Variants in RELCH observed in about 807,000 individuals in gnomAD.
The protein encoded by RELCH is RAB11 binding and LisH domain, coiled-coil and HEAT repeat containing, also known as RAB11-binding protein RELCH.
Under a neutral mutation model 150.3 loss-of-function variants are expected in RELCH, and 41 were observed. The observed-to-expected ratio is 0.27, with a 90% CI of 0.21 to 0.35. The LOEUF (loss-of-function observed/expected upper bound fraction) is 0.35, where lower values mean the gene tolerates loss of function less well. RELCH is among the 10% of genes least tolerant of loss of function. RELCH has a pLI of 1.00. For synonymous variants in RELCH, 478 were observed against 531.8 expected, an observed-to-expected ratio of 0.90 and a Z score of 1.39; for missense variants, 1,092 against 1,467.8, an observed-to-expected ratio of 0.74 and a Z score of 4.18.
intron 2 of RELCH, among the ~76,000 whole-genome samples, chr18:62,217,037 T>C (rs2040518034): frequency 1.3e-5 from 2 of 152,012 alleles, no homozygotes; most frequent in African/African-American, 2.4e-5. Flanking sequence ...TTCTTGTTAT[T>C]CGTCACCATG....
At chr18:62,298,389 T>C (rs531617276) in intron 27 of RELCH, among the ~76,000 whole-genome samples, 1 of 152,306 alleles carries the variant, frequency 6.6e-6, no homozygotes, top group Non-Finnish European at 1.5e-5. Flanking sequence ...GATCTTGCTT[T>C]TTGCAACCTG....
rs368215665 is a variant in RELCH at position 62,280,673 on chromosome 18, C to G, written c.3078C>G (p.Ala1026=). 6.3e-5 allele frequency: 102 copies of G among 1,611,398 alleles called. 1 individual carries two copies. The highest frequency in any genetic ancestry group is 3.6e-4 in the South Asian group (33 of 91,008). The change falls in exon 24 of 29, where the codon GCC becomes GCG. Residue 1026 remains alanine (A), a synonymous_variant. Coordinates refer to ENST00000644646, the MANE Select transcript of RELCH (RefSeq NM_001346231.2). The part of the protein sequence containing the change: ...EISVRIATIP[A]FGTIMETVIQ... ...CTGTCAGGATTGCCACAATTCCAGC[C>G]TTTGGCACTATTATGGAAACAGTAA...
At chr18:62,249,801 A>G (rs2042605749) in intron 11 of RELCH, among the ~76,000 whole-genome samples, 1 of 151,952 alleles carries the variant, frequency 6.6e-6, no homozygotes, top group Non-Finnish European at 1.5e-5. Context: ...ACAAATATAA[A>G]TTTACTAAAA....
chr18:62,225,593 C>T (rs2041163152), intron 5 of RELCH, among the ~76,000 whole-genome samples: 1 of 151,954 alleles, frequency 6.6e-6, no homozygotes, highest in Admixed American at 6.6e-5. Flanking sequence ...AGATTCTCAA[C>T]ATTTGTATTC....
chr18:62,297,652 C>T (rs1203492780), intron 27 of RELCH, among the ~76,000 whole-genome samples: 1 of 152,178 alleles, frequency 6.6e-6, no homozygotes. Flanking sequence ...AGAATAATCC[C>T]CAAAGTCCTT....
intron 10 of RELCH, among the ~76,000 whole-genome samples, chr18:62,233,347 C>G (rs771194010): frequency 6.6e-6 from 1 of 151,812 alleles, no homozygotes; most frequent in Non-Finnish European, 1.5e-5. Context: ...ACCACTGATT[C>G]AATCATAATT....
At chr18:62,295,220 A>C (rs986313385) in intron 27 of RELCH, among the ~76,000 whole-genome samples, 1 of 151,940 alleles carries the variant, frequency 6.6e-6, no homozygotes, top group Non-Finnish European at 1.5e-5. Flanking sequence ...TCTATGATTG[A>C]GTCTTGCTAT....
chr18:62,254,510 A>AC (rs72538604), intron 12 of RELCH, among the ~76,000 whole-genome samples: 111,486 of 151,870 alleles, frequency 0.73, 41,171 homozygotes, highest in East Asian at 0.91. Context: ...TGACATTCAA[A>AC]CATTCTACTT....
At chr18:62,252,244 C>G (rs2042751887) in intron 11 of RELCH, among the ~76,000 whole-genome samples, 2 of 151,728 alleles carry the variant, frequency 1.3e-5, no homozygotes, top group South Asian at 4.2e-4. Context: ...CATGATCTGC[C>G]CGCCTCAGCC....
At chr18:62,207,907 C>T (rs1350521295) in intron 1 of RELCH, among the ~76,000 whole-genome samples, 2 of 152,198 alleles carry the variant, frequency 1.3e-5, no homozygotes, top group Non-Finnish European at 2.9e-5. Flanking sequence ...AATGGTCATA[C>T]AGTATATAGC....
At chr18:62,232,790 C>CA (rs1380185834) in intron 10 of RELCH, among the ~76,000 whole-genome samples, 1 of 152,000 alleles carries the variant, frequency 6.6e-6, no homozygotes, top group Non-Finnish European at 1.5e-5. Context: ...CAGAAATGGA[C>CA]ACTCTTTGTA....
intron 1 of RELCH, among the ~76,000 whole-genome samples, chr18:62,192,865 G>A (rs948979299): frequency 3.9e-5 from 6 of 152,034 alleles, no homozygotes; most frequent in African/African-American, 7.2e-5. Flanking sequence ...TTGGCTATAC[G>A]GGCTCTTTTT....
Position 62,211,218 on chromosome 18 carries a change from A to C in RELCH, c.592A>C (p.Arg198=). 6.2e-7 allele frequency: 1 copy of C among 1,608,302 alleles called. No homozygotes were observed. Among genetic ancestry groups the C allele is most frequent in the African/African-American group, 1.3e-5 (1 of 74,928 alleles). Residue 198 remains arginine (R), a synonymous_variant, in exon 2 of 29, where the codon AGG becomes CGG. Coordinates refer to ENST00000644646, the MANE Select transcript of RELCH (RefSeq NM_001346231.2). The part of the protein sequence containing the change: ...DFARYSDDGN[R]ETDEKVAVLE... ...TGCAAGATATTCAGATGATGGTAACAGGGAAACAGATGAAAAAGTGGCAGG... is the reference window on the plus strand; with the variant it reads ...TGCAAGATATTCAGATGATGGTAACCGGGAAACAGATGAAAAAGTGGCAGG...
At chr18:62,227,541 A>G (rs561638425) in intron 6 of RELCH, 49 bp downstream of exon 6, 40 of 1,562,168 alleles carry the variant, frequency 2.6e-5, no homozygotes, top group African/African-American at 8.2e-5. Flanking sequence ...TATTTAAACT[A>G]TGTAAAAGCG....
chr18:62,244,231 C>T (rs2042291731), intron 10 of RELCH, among the ~76,000 whole-genome samples: 3 of 152,014 alleles, frequency 2.0e-5, no homozygotes, highest in Non-Finnish European at 4.4e-5. Flanking sequence ...TCTACTGATA[C>T]TGAGACAATT....
rs376144111 is a variant in RELCH, at chr18:62,280,624, C to G, written c.3051-22C>G. On this transcript the variant is annotated intron_variant, in intron 23 of 28. Coordinates refer to ENST00000644646, the MANE Select transcript of RELCH (RefSeq NM_001346231.2). Reference sequence around the variant, plus strand: ...GTTGTTCATCTCAAATCTTCAGTTTCTTTCTGTTTTAATTCTAACAGCTCT... The same window carrying G: ...GTTGTTCATCTCAAATCTTCAGTTTGTTTCTGTTTTAATTCTAACAGCTCT... 3 of 1,588,604 alleles carry G rather than the reference C, an allele frequency of 1.9e-6. No individual in the cohort carries two copies. In the African/African-American group the frequency reaches 4.0e-5, roughly 21 times the overall value.
chr18:62,305,761 T>C lies in RELCH; in HGVS notation c.*227T>C, dbSNP rs532434474. The C allele has an allele frequency of 7.4e-6, 2 of 269,816 alleles. No homozygotes were observed. The highest frequency in any genetic ancestry group is 2.8e-4 in the South Asian group (2 of 7,214). The allele number at this position is 269,816 out of a possible 1,614,324, so 16.7% of individuals were successfully genotyped here. A position where few individuals can be genotyped will look rare whatever the true frequency, so the allele number is the denominator to read the frequency against. ...AATTGAGTTGATGGTCTGTACCAAG[T>C]CCCTTGTCTATGTTCTTGTCTTTCA... is the stretch of plus-strand genomic sequence containing the variant. On this transcript the variant is annotated 3_prime_UTR_variant, in exon 29 of 29. Coordinates refer to ENST00000644646, the MANE Select transcript of RELCH (RefSeq NM_001346231.2). This position sits in a 1 kb window ranked among gnomAD's most constrained non-coding sequence, Gnocchi z 4.0.
intron 26 of RELCH, among the ~76,000 whole-genome samples, chr18:62,290,805 AC>A (rs1242120848): frequency 6.6e-6 from 1 of 152,208 alleles, no homozygotes; most frequent in East Asian, 1.9e-4. Context: ...CTCAATCAGG[AC>A]CTATAGTAGG....
intron 10 of RELCH, among the ~76,000 whole-genome samples, chr18:62,242,286 G>A (rs2042186565): frequency 1.3e-5 from 2 of 152,144 alleles, no homozygotes; most frequent in Non-Finnish European, 2.9e-5. Flanking sequence ...TAAGAAAAGT[G>A]AAAAATATTT....
Sources: gnomAD v4.1 joint callset for allele counts (sites outside exome capture counted in the v4.1 genomes callset) on GRCh38, gnomAD v4.1.1 for gene constraint, Gnocchi (gnomAD v3.1) non-coding constraint, MANE v1.5 for transcripts, NCBI Gene and HGNC (gene_info 2026-07-23, HGNC 2026-07-21) for gene names.